WDR7: variants seen among roughly 807,000 people sequenced by gnomAD.
WDR7 encodes WD repeat domain 7, also known as WD repeat-containing protein 7.
WDR7 carries 46 observed loss-of-function variants against 169.4 expected under a neutral mutation model. That is an observed-to-expected ratio of 0.27 (90% CI 0.21 to 0.35). The LOEUF (loss-of-function observed/expected upper bound fraction) is 0.35. WDR7 is among the 10% of genes least tolerant of loss of function. WDR7 has a pLI of 1.00. For missense variants in WDR7, 1,534 were observed against 1,859.3 expected (o/e 0.83, Z 3.22); for synonymous variants, 612 against 666.8 (o/e 0.92, Z 1.27).
At chr18:56,661,796 T>C (rs189071552) in intron 1 of WDR7, among the ~76,000 whole-genome samples, 1 of 152,230 alleles carries the variant, frequency 6.6e-6, no homozygotes, top group Non-Finnish European at 1.5e-5. Flanking sequence ...AGCTGTTTCA[T>C]AGTAGTATAA....
intron 13 of WDR7, among the ~76,000 whole-genome samples, chr18:56,724,048 T>A (rs963759619): frequency 3.9e-5 from 6 of 151,958 alleles, no homozygotes; most frequent in African/African-American, 1.4e-4. Context: ...TATCTTCTAT[T>A]TCTCTATGCA....
chr18:56,801,531 G>A (rs2044672211), intron 19 of WDR7, among the ~76,000 whole-genome samples: 1 of 152,076 alleles, frequency 6.6e-6, no homozygotes, highest in South Asian at 2.1e-4. Context: ...TTGATAAATG[G>A]TCAAATATCC....
At chr18:56,783,855 A>G (rs1280570172) in intron 19 of WDR7, among the ~76,000 whole-genome samples, 1 of 152,222 alleles carries the variant, frequency 6.6e-6, no homozygotes, top group Non-Finnish European at 1.5e-5. Flanking sequence ...ATTCCTGGGA[A>G]GAAGAGAATA....
At chr18:56,722,807 A>G (rs2026352074) in intron 13 of WDR7, among the ~76,000 whole-genome samples, 1 of 152,062 alleles carries the variant, frequency 6.6e-6, no homozygotes, top group South Asian at 2.1e-4. Context: ...GTATCCCTCA[A>G]CTACTTTTTT....
chr18:56,783,404 T>C (rs377485827), intron 19 of WDR7, among the ~76,000 whole-genome samples: 2 of 152,276 alleles, frequency 1.3e-5, no homozygotes, highest in South Asian at 2.1e-4. Flanking sequence ...TAGATGATCA[T>C]CTCATCATAA....
chr18:56,912,710 T>G (rs2046569313), intron 21 of WDR7, among the ~76,000 whole-genome samples: 1 of 152,164 alleles, frequency 6.6e-6, no homozygotes, highest in Non-Finnish European at 1.5e-5. Flanking sequence ...TCACTTGTTT[T>G]CAGTGACATC....
intron 26 of WDR7, among the ~76,000 whole-genome samples, chr18:57,001,975 A>G (rs1321613392): frequency 6.6e-6 from 1 of 152,214 alleles, no homozygotes; most frequent in African/African-American, 2.4e-5. Context: ...ACCATGTTAA[A>G]TAAAGGAAAA....
intron 1 of WDR7, among the ~76,000 whole-genome samples, chr18:56,670,348 T>C (rs577440644): frequency 6.6e-6 from 1 of 152,282 alleles, no homozygotes; most frequent in Non-Finnish European, 1.5e-5. Flanking sequence ...CTATACTCCG[T>C]AGTCCTGAAT....
intron 15 of WDR7, 89 bp from the exon 16 acceptor site, chr18:56,758,776 G>A (rs78265738): frequency 0.016 from 14,591 of 936,136 alleles, 156 homozygotes; most frequent in East Asian, 0.025. Flanking sequence ...TTTGTGATTC[G>A]TTTAGAAGTA....
intron 1 of WDR7, among the ~76,000 whole-genome samples, chr18:56,664,861 CAT>C (rs2024983617): frequency 6.6e-6 from 1 of 152,156 alleles, no homozygotes; most frequent in Non-Finnish European, 1.5e-5. Context: ...AGTAGTAAAT[CAT>C]GTGGCTTAGG....
chr18:56,762,622 A>G (rs1013441637), intron 16 of WDR7, among the ~76,000 whole-genome samples: 2 of 151,968 alleles, frequency 1.3e-5, no homozygotes, highest in South Asian at 4.1e-4. Context: ...TCCTGATTTT[A>G]ATAATTTATG....
intron 21 of WDR7, among the ~76,000 whole-genome samples, chr18:56,882,949 G>A (rs542793292): frequency 1.7e-3 from 265 of 152,252 alleles, no homozygotes; most frequent in South Asian, 8.5e-3. Flanking sequence ...ACGGCTGGGC[G>A]CGGTGGCTCA....
chr18:56,838,780 G>A (rs939406695), intron 20 of WDR7, among the ~76,000 whole-genome samples: 6 of 152,042 alleles, frequency 3.9e-5, no homozygotes, highest in African/African-American at 7.2e-5. Flanking sequence ...ATTGTTTTGC[G>A]TATTCAATGT....
intron 26 of WDR7, among the ~76,000 whole-genome samples, chr18:56,965,380 G>A (rs2047394480): frequency 6.6e-6 from 1 of 151,696 alleles, no homozygotes; most frequent in African/African-American, 2.4e-5. Flanking sequence ...AGATTGGTTG[G>A]TAAAAGATAA....
At chr18:57,002,514 C>T (rs1197303285) in intron 26 of WDR7, among the ~76,000 whole-genome samples, 2 of 152,048 alleles carry the variant, frequency 1.3e-5, no homozygotes, top group Admixed American at 1.3e-4. Flanking sequence ...TCGCATCCTA[C>T]ACCAGAAATT....
In WDR7 at chr18:56,752,619, G is replaced by A. The variant is rs77130802; in HGVS notation, c.1990-3964G>A. 9.6e-3 allele frequency among the ~76,000 whole-genome samples: 1,469 copies of A among 152,240 alleles called. 30 individuals carry two copies. Among genetic ancestry groups the A allele is most frequent in the African/African-American group, 0.034 (1,413 of 41,542 alleles). On this transcript the variant is annotated intron_variant, in intron 14 of 27. Coordinates refer to ENST00000254442, the MANE Select transcript of WDR7 (RefSeq NM_015285.3). ...CTGGGGGAATGAATGAATTAAATAC[G>A]AGAATGAGATTTGGAAAGTCTTGAT...
At chr18:57,031,064 C>T (rs1185027866), downstream of WDR7, 2 of 152,098 alleles carry the variant, frequency 1.3e-5, no homozygotes, top group African/African-American at 4.8e-5. Flanking sequence ...CTTCTGTACA[C>T]CTTTTGGCTA....
At chr18:56,921,404 CA>C (rs2046717816) in intron 21 of WDR7, among the ~76,000 whole-genome samples, 1 of 152,254 alleles carries the variant, frequency 6.6e-6, no homozygotes, top group Admixed American at 6.5e-5. Flanking sequence ...ACTGCCCTGC[CA>C]AAACTGTAGG....
At chr18:57,032,844 T>TATATAC (rs1464286392), downstream of WDR7, 4 of 123,752 alleles carry the variant, frequency 3.2e-5, no homozygotes, top group South Asian at 2.8e-4. Context: ...TATATATATA[T>TATATAC]ACAGTGTAAT....
Sources: allele counts gnomAD v4.1 joint callset (sites outside exome capture counted in the v4.1 genomes callset), GRCh38; gene constraint gnomAD v4.1.1; transcripts MANE v1.5; gene names NCBI Gene and HGNC (gene_info 2026-07-23, HGNC 2026-07-21).